Variants in SV2C observed in about 807,000 individuals in gnomAD.
SV2C encodes the protein solute carrier family 22 member B3.
In SV2C, 49 loss-of-function variants were observed where a neutral mutation model predicts 79.7. That is an observed-to-expected ratio of 0.61 (90% CI 0.49 to 0.78). SV2C has a LOEUF of 0.78. Ranked by LOEUF, SV2C falls within the 30% of genes least tolerant of loss-of-function variation. SV2C has a pLI of 0.00. For missense variants in SV2C, 833 were observed against 912.9 expected, an observed-to-expected ratio of 0.91 and a Z score of 1.13; for synonymous variants, 334 against 333.2, an observed-to-expected ratio of 1.00 and a Z score of -0.03.
chr5:76,308,976 G>A (rs1748310862), intron 12 of SV2C, among the ~76,000 whole-genome samples: 1 of 151,944 alleles, frequency 6.6e-6, no homozygotes, highest in Non-Finnish European at 1.5e-5. Flanking sequence ...GTAATATAGT[G>A]GTCAGGGTTA....
the SV2C span, among the ~76,000 whole-genome samples, chr5:75,927,144 C>A: frequency 6.6e-6 from 1 of 151,986 alleles, no homozygotes; most frequent in African/African-American, 2.4e-5. Context: ...AGCTATGGAT[C>A]CTATAGATTG....
the SV2C span, among the ~76,000 whole-genome samples, chr5:75,985,865 G>A: frequency 6.6e-6 from 1 of 151,576 alleles, no homozygotes; most frequent in Non-Finnish European, 1.5e-5. Context: ...TAATAAGTCT[G>A]CTTATAAACA....
intron 4 of SV2C, chr5:76,281,398 A>T: frequency 1.4e-5 from 2 of 140,116 alleles, no homozygotes; most frequent in African/African-American, 2.6e-5. Flanking sequence ...TATGCAAAGT[A>T]AAAAAAAAAA....
At chr5:75,889,848 A>T in the SV2C span, among the ~76,000 whole-genome samples, 433 of 152,112 alleles carry the variant, frequency 2.8e-3, 10 homozygotes, top group East Asian at 0.035. Flanking sequence ...CAAGGTGCCC[A>T]CTCTAGAGAT....
chr5:75,993,310 C>T, the SV2C span, among the ~76,000 whole-genome samples: 2 of 151,958 alleles, frequency 1.3e-5, no homozygotes, highest in African/African-American at 4.8e-5. Context: ...TTAATAAGAT[C>T]GTCTTGCATG....
At chr5:75,999,335 A>AAG in the SV2C span, among the ~76,000 whole-genome samples, 66,207 of 141,844 alleles carry the variant, frequency 0.47, 16,153 homozygotes, top group Middle Eastern at 0.62. Context: ...TATATATAGG[A>AAG]AGAGAGAGAG....
the SV2C span, among the ~76,000 whole-genome samples, chr5:76,049,536 T>C: frequency 6.6e-6 from 1 of 152,162 alleles, no homozygotes; most frequent in Non-Finnish European, 1.5e-5. Context: ...GGCAGGATAA[T>C]TGAAGAAGAA....
chr5:76,052,567 G>C, the SV2C span, among the ~76,000 whole-genome samples: 11 of 152,214 alleles, frequency 7.2e-5, 1 homozygote, highest in Admixed American at 6.5e-4. Context: ...ATGCATGTCT[G>C]TCGTGTTTCA....
chr5:76,037,305 G>C, the SV2C span, among the ~76,000 whole-genome samples: 2 of 152,226 alleles, frequency 1.3e-5, no homozygotes, highest in South Asian at 2.1e-4. Context: ...CGTTCCTTTG[G>C]AGGAGGAGAG....
intron 2 of SV2C, among the ~76,000 whole-genome samples, chr5:76,171,608 TGGG>T (rs1184285564): frequency 9.5e-6 from 1 of 104,874 alleles, no homozygotes; most frequent in African/African-American, 3.3e-5. Context: ...AGGAGAGAGG[TGGG>T]GGGGGGGTCA....
At chr5:76,341,821 G>A (rs1263052773) in intron 12 of SV2C, among the ~76,000 whole-genome samples, 52 of 152,168 alleles carry the variant, frequency 3.4e-4, no homozygotes, top group Non-Finnish European at 2.1e-4. Flanking sequence ...GGCATGTGGT[G>A]ATCATGGGAG....
At chr5:76,088,550 T>C (rs1747273897) in intron 1 of SV2C, among the ~76,000 whole-genome samples, 1 of 152,118 alleles carries the variant, frequency 6.6e-6, no homozygotes, top group East Asian at 1.9e-4. Context: ...ACTAATCCCA[T>C]TCATGAGGGT....
chr5:75,930,797 G>T, the SV2C span, among the ~76,000 whole-genome samples: 1 of 152,260 alleles, frequency 6.6e-6, no homozygotes, highest in African/African-American at 2.4e-5. Context: ...GATCTTTTAT[G>T]GGCCATTTAT....
intron 2 of SV2C, among the ~76,000 whole-genome samples, chr5:76,160,021 T>C (rs1281166387): frequency 6.6e-6 from 1 of 151,906 alleles, no homozygotes; most frequent in Non-Finnish European, 1.5e-5. Context: ...AATAAATAAA[T>C]ACTTCAAAAA....
At chr5:76,213,854 CT>C (rs1316470280) in intron 4 of SV2C, among the ~76,000 whole-genome samples, 5 of 152,110 alleles carry the variant, frequency 3.3e-5, no homozygotes, top group Non-Finnish European at 5.9e-5. Flanking sequence ...AGTTTGTGCC[CT>C]TTGACCAACA....
At chr5:75,926,673 GA>G in the SV2C span, among the ~76,000 whole-genome samples, 1 of 152,036 alleles carries the variant, frequency 6.6e-6, no homozygotes, top group Non-Finnish European at 1.5e-5. Context: ...CTGACAAATA[GA>G]AAAAAGAACA....
chr5:76,280,523 C>T (rs561715020), intron 4 of SV2C, among the ~76,000 whole-genome samples: 11 of 152,194 alleles, frequency 7.2e-5, no homozygotes, highest in Non-Finnish European at 1.3e-4. Context: ...ATATGATGTT[C>T]CAGAGCAGTA....
At chr5:76,073,359 T>G in the SV2C span, among the ~76,000 whole-genome samples, 6 of 151,912 alleles carry the variant, frequency 3.9e-5, no homozygotes, top group African/African-American at 1.2e-4. Context: ...CCTTTCCCAA[T>G]TTTATGTATT....
chr5:76,347,939 A>G (rs962721483), intron 12 of SV2C, among the ~76,000 whole-genome samples: 1 of 152,154 alleles, frequency 6.6e-6, no homozygotes. Flanking sequence ...CCCAAAGTCC[A>G]TAGTTTACCT....
Sources: gnomAD v4.1 joint callset for allele counts (sites outside exome capture counted in the v4.1 genomes callset) on GRCh38, gnomAD v4.1.1 for gene constraint, MANE v1.5 for transcripts, NCBI Gene and HGNC (gene_info 2026-07-23, HGNC 2026-07-21) for gene names.